The following CIT variants were observed in gnomAD, a reference collection of about 807,000 sequenced individuals.
CIT encodes the protein citron rho-interacting serine/threonine kinase, also known as citron Rho-interacting kinase.
Under a neutral mutation model 272.7 loss-of-function variants are expected in CIT, and 79 were observed. That is an observed-to-expected ratio of 0.29 (90% confidence interval 0.24 to 0.35). CIT has a LOEUF of 0.35. Among genes scored for constraint, CIT ranks in the 10% least tolerant of loss-of-function variants. The pLI is 1.00. For synonymous variants in CIT, 948 were observed against 995.6 expected (o/e 0.95, Z 0.90); for missense variants, 1,909 against 2,618.3 (o/e 0.73, Z 5.91).
chr12:119,754,284 T>G (rs1960650958), intron 22 of CIT, among the ~76,000 whole-genome samples: 1 of 152,182 alleles, frequency 6.6e-6, no homozygotes, highest in South Asian at 2.1e-4. Context: ...ACCCAGAAAG[T>G]CTGGCTCAAG....
At chr12:119,740,608 G>C (rs558304683) in intron 24 of CIT, among the ~76,000 whole-genome samples, 2 of 152,024 alleles carry the variant, frequency 1.3e-5, no homozygotes, top group East Asian at 3.9e-4. Context: ...CAGATGAATG[G>C]AACAGGATTA....
chr12:119,782,588 T>A lies in CIT; in HGVS notation c.1595A>T (p.Asp532Val). The change falls in exon 13 of 48, where the codon GAT becomes GTT. Residue 532 changes from aspartate to valine, a missense_variant. By Grantham distance (152) the Asp-to-Val change is radical. Coordinates refer to ENST00000392521, the MANE Select transcript of CIT (RefSeq NM_001206999.2). ...EQARMEVSQE[D>V]DKALQLLHDI... ...ATGGAGAAGCTGCAGTGCTTTGTCA[T>A]CCTCCTGGGACACCTCCATCCGTGC... The A allele has an allele frequency of 6.2e-7, 1 of 1,614,200 alleles. No homozygotes were observed. Among genetic ancestry groups the A allele is most frequent in the Non-Finnish European group, 8.5e-7 (1 of 1,180,038 alleles).
chr12:119,796,274 G>A (rs1345338317), intron 10 of CIT, among the ~76,000 whole-genome samples: 2 of 152,178 alleles, frequency 1.3e-5, no homozygotes, highest in African/African-American at 4.8e-5. Context: ...ACCCTTTGTG[G>A]AGAATGGATT....
chr12:119,701,174 G>A (rs1956539829), intron 43 of CIT, among the ~76,000 whole-genome samples: 1 of 119,266 alleles, frequency 8.4e-6, no homozygotes, highest in Non-Finnish European at 1.7e-5. Context: ...GAAAGACTCA[G>A]GAAAGAAGGG....
At chr12:119,787,257 C>T (rs1224294448) in intron 10 of CIT, among the ~76,000 whole-genome samples, 1 of 151,890 alleles carries the variant, frequency 6.6e-6, no homozygotes, top group Non-Finnish European at 1.5e-5. Flanking sequence ...CACACCCAGC[C>T]GTCTCTATAA....
intron 32 of CIT, among the ~76,000 whole-genome samples, chr12:119,717,414 C>CTTTTTTTTTTTTTTTTTT (rs765763044): frequency 6.4e-5 from 7 of 109,458 alleles, no homozygotes; most frequent in South Asian, 2.9e-4. Context: ...TTTTTCTTTT[C>CTTTTTTTTTTTTTTTTTT]TTTTCTTTTT....
At chr12:119,689,857 T>C (rs1955830420) in intron 47 of CIT, among the ~76,000 whole-genome samples, 1 of 151,896 alleles carries the variant, frequency 6.6e-6, no homozygotes. Flanking sequence ...TTTTGTATTT[T>C]TTTCGTAGAG....
chr12:119,752,498 GC>G (rs2137421389), intron 22 of CIT, among the ~76,000 whole-genome samples: 1 of 152,284 alleles, frequency 6.6e-6, no homozygotes, highest in South Asian at 2.1e-4. Flanking sequence ...ATATTCAAAT[GC>G]CTGGGAAGAC....
chr12:119,866,782 G>A (rs1232378746), intron 3 of CIT, among the ~76,000 whole-genome samples: 2 of 152,124 alleles, frequency 1.3e-5, no homozygotes, highest in Non-Finnish European at 2.9e-5. Flanking sequence ...TTGTGCTGCT[G>A]CACTCCAGCC....
intron 26 of CIT, among the ~76,000 whole-genome samples, chr12:119,731,413 TG>T (rs1259333771): frequency 0.012 from 1,748 of 146,474 alleles, 36 homozygotes; most frequent in African/African-American, 0.042. Flanking sequence ...GAGGCAGAGT[TG>T]CAGTGAGCCG....
At chr12:119,702,902 C>T (rs1214894014) in intron 41 of CIT, among the ~76,000 whole-genome samples, 1 of 150,844 alleles carries the variant, frequency 6.6e-6, no homozygotes, top group Admixed American at 6.6e-5. Context: ...TCATCATGAT[C>T]ATCATTATTG....
At chr12:119,794,270 G>GTGAATGAATGAATGAA (rs60480648) in intron 10 of CIT, among the ~76,000 whole-genome samples, 1 of 151,806 alleles carries the variant, frequency 6.6e-6, no homozygotes, top group African/African-American at 2.4e-5. Context: ...TATTTGTTGA[G>GTGAATGAATGAATGAA]TGAATGAATG....
At chr12:119,793,285 A>C (rs541453267) in intron 10 of CIT, among the ~76,000 whole-genome samples, 38 of 152,008 alleles carry the variant, frequency 2.5e-4, no homozygotes, top group Admixed American at 1.2e-3. Flanking sequence ...CTATTAATAA[A>C]AGAATAGCTA....
intron 5 of CIT, among the ~76,000 whole-genome samples, chr12:119,846,190 T>C (rs1191812268): frequency 3.9e-5 from 6 of 152,078 alleles, no homozygotes; most frequent in Non-Finnish European, 8.8e-5. Flanking sequence ...CTGATCATCC[T>C]CACTGGCCAC....
At chr12:119,708,056 C>A in intron 40 of CIT, 123 bp downstream of exon 40, 1 of 1,070,440 alleles carries the variant, frequency 9.3e-7, no homozygotes, top group Non-Finnish European at 1.3e-6. Flanking sequence ...TTCAAGAGAG[C>A]CCCTCTCTGT....
intron 9 of CIT, 114 bp from the exon 10 acceptor site, chr12:119,803,503 C>T (rs1258114267): frequency 2.8e-6 from 2 of 702,664 alleles, no homozygotes; most frequent in African/African-American, 1.9e-5. Flanking sequence ...GGCACTGCAG[C>T]GCCTGCTTTC....
chr12:119,707,297 C>T (rs922592470), intron 40 of CIT, among the ~76,000 whole-genome samples: 2 of 152,116 alleles, frequency 1.3e-5, no homozygotes, highest in East Asian at 3.8e-4. Flanking sequence ...AAAACCTGTA[C>T]AAATTTCATG....
At chr12:119,874,879 C>T (rs1310855889) in intron 2 of CIT, among the ~76,000 whole-genome samples, 5 of 142,322 alleles carry the variant, frequency 3.5e-5, no homozygotes, top group Non-Finnish European at 7.5e-5. Flanking sequence ...AGCGAAGACT[C>T]TGTCTCAAAA....
chr12:119,747,069 T>C (rs1484651649), intron 23 of CIT, among the ~76,000 whole-genome samples: 1 of 152,150 alleles, frequency 6.6e-6, no homozygotes, highest in Non-Finnish European at 1.5e-5. Flanking sequence ...TAAAAATTAC[T>C]GAGGACCCCA....
Sources: gnomAD v4.1 joint callset for allele counts (sites outside exome capture counted in the v4.1 genomes callset) on GRCh38, gnomAD v4.1.1 for gene constraint, MANE v1.5 for transcripts, NCBI Gene and HGNC (gene_info 2026-07-23, HGNC 2026-07-21) for gene names.